The following ITGA9 variants were observed in gnomAD, a reference collection of about 807,000 sequenced individuals.
ITGA9 encodes the protein integrin alpha-9.
In ITGA9, 56 loss-of-function variants were observed where a neutral mutation model predicts 127.8. The ratio of observed to expected loss-of-function variants is 0.44; its 90% confidence interval spans 0.35 to 0.55. The LOEUF (loss-of-function observed/expected upper bound fraction) is 0.55. Among genes scored for constraint, ITGA9 ranks in the 20% least tolerant of loss-of-function variants. The pLI, the probability that ITGA9 is intolerant of heterozygous loss-of-function variation, is 0.00. For synonymous variants in ITGA9, 508 were observed against 514.5 expected (o/e 0.99, Z 0.17); for missense variants, 1,196 against 1,347.1 (o/e 0.89, Z 1.76).
intron 21 of ITGA9, 120 bp from the exon 22 acceptor site, chr3:37,743,806 G>C (rs2186453): frequency 2.6e-6 from 2 of 761,072 alleles, no homozygotes; most frequent in Non-Finnish European, 4.8e-6. Context: ...CCCCAGCAGG[G>C]AAGCACTGGG....
At chr3:37,700,907 C>G (rs1019587994) in intron 18 of ITGA9, among the ~76,000 whole-genome samples, 1 of 152,190 alleles carries the variant, frequency 6.6e-6, no homozygotes, top group Non-Finnish European at 1.5e-5. Context: ...TTCCTTATCT[C>G]CCGGAAAAGG....
At chr3:37,795,081 T>A (rs1437946423) in intron 26 of ITGA9, among the ~76,000 whole-genome samples, 1 of 152,180 alleles carries the variant, frequency 6.6e-6, no homozygotes, top group African/African-American at 2.4e-5. Flanking sequence ...CTGTCACAGA[T>A]GTTATTCTCT....
At chr3:37,776,224 T>G (rs993502286) in intron 23 of ITGA9, among the ~76,000 whole-genome samples, 13 of 152,106 alleles carry the variant, frequency 8.5e-5, no homozygotes, top group African/African-American at 2.9e-4. Context: ...AAAAAATAAC[T>G]ATTGGGTACT....
chr3:37,529,764 G>A (rs1699129842), intron 13 of ITGA9, among the ~76,000 whole-genome samples: 1 of 152,204 alleles, frequency 6.6e-6, no homozygotes, highest in Non-Finnish European at 1.5e-5. Context: ...AGAGACAAGA[G>A]GGAGGATGGG....
In ITGA9 at chr3:37,515,684, C is replaced by T. The variant is rs535257807; in HGVS notation, c.1035+1784C>T. ...CCAGGAGGTGGAGGCTGCAGTGAGCCGTGATCATGCCACTGTACTCCAGCC... is the reference window on the plus strand; with the variant it reads ...CCAGGAGGTGGAGGCTGCAGTGAGCTGTGATCATGCCACTGTACTCCAGCC... On this transcript the variant is annotated intron_variant, in intron 9 of 27. Transcript: ENST00000264741. 4.6e-5 allele frequency among the ~76,000 whole-genome samples: 7 copies of T among 152,114 alleles called. No individual in the cohort carries two copies. In the South Asian group the frequency reaches 8.3e-4, roughly 18 times the overall value.
chr3:37,641,910 C>T (rs748400654), intron 16 of ITGA9, among the ~76,000 whole-genome samples: 1 of 152,166 alleles, frequency 6.6e-6, no homozygotes, highest in Non-Finnish European at 1.5e-5. Context: ...AAGAACCATT[C>T]TCCCACTACC....
intron 23 of ITGA9, among the ~76,000 whole-genome samples, chr3:37,772,501 C>A (rs1696856785): frequency 6.6e-6 from 1 of 152,084 alleles, no homozygotes; most frequent in South Asian, 2.1e-4. Flanking sequence ...CACCGAGAGC[C>A]TGGCGTGCAG....
At chr3:37,741,852 A>T (rs747438459) in intron 21 of ITGA9, 33 bp downstream of exon 21, 1 of 1,519,730 alleles carries the variant, frequency 6.6e-7, no homozygotes, top group South Asian at 1.1e-5. Context: ...GCCACAACAC[A>T]GGAGTGCCCT....
chr3:37,804,938 T>C (rs1391664794), intron 27 of ITGA9, among the ~76,000 whole-genome samples: 1 of 152,248 alleles, frequency 6.6e-6, no homozygotes, highest in Non-Finnish European at 1.5e-5. Flanking sequence ...TTTCTCTGCA[T>C]ATATAGATAT....
chr3:37,749,595 C>CT (rs779561250), intron 22 of ITGA9: 4 of 152,266 alleles, frequency 2.6e-5, no homozygotes, highest in Non-Finnish European at 5.9e-5. Flanking sequence ...GCTTTTTCCT[C>CT]TCCCTCCTTG....
At chr3:37,504,943 G>C (rs1698825635) in intron 6 of ITGA9, among the ~76,000 whole-genome samples, 1 of 152,208 alleles carries the variant, frequency 6.6e-6, no homozygotes, top group East Asian at 1.9e-4. Context: ...GGCCAGAGGA[G>C]AGCTTTCAGC....
At chr3:37,643,437 A>G (rs914923224) in intron 16 of ITGA9, among the ~76,000 whole-genome samples, 5 of 152,158 alleles carry the variant, frequency 3.3e-5, no homozygotes, top group Admixed American at 6.5e-5. Flanking sequence ...GGACTCATCA[A>G]AGGTTAGACC....
intron 4 of ITGA9, among the ~76,000 whole-genome samples, chr3:37,489,691 CTTTTT>C (rs10579497): frequency 3.3e-4 from 43 of 132,264 alleles, no homozygotes; most frequent in Non-Finnish European, 5.1e-4. Flanking sequence ...TATAATTGCC[CTTTTT>C]TTTTTTTTTT....
Position 37,571,309 on chromosome 3 carries a change from CTGCCCATGGTTTATGT to C in ITGA9, c.1689+28726_1689+28741del, listed in dbSNP as rs373210067. Reference sequence around the variant, plus strand: ...GGAGTCTCACAAAACTACACCCATGCTGCCCATGGTTTATGTTTAATGAATGAAATGATGATTAAGA... The same window carrying C: ...GGAGTCTCACAAAACTACACCCATGCTTAATGAATGAAATGATGATTAAGA... On this transcript the variant is annotated intron_variant, in intron 15 of 27. Transcript: ENST00000264741. Among the ~76,000 whole-genome samples, 599 of 152,316 alleles carry C rather than the reference CTGCCCATGGTTTATGT, an allele frequency of 3.9e-3. 2 individuals carry two copies. Among genetic ancestry groups the C allele is most frequent in the Middle Eastern group, 0.017 (5 of 294 alleles).
chr3:37,797,020 G>A (rs1697181714), intron 26 of ITGA9, among the ~76,000 whole-genome samples: 1 of 152,126 alleles, frequency 6.6e-6, no homozygotes, highest in South Asian at 2.1e-4. Context: ...CTGAGGTCAG[G>A]TTAGGGAGGA....
At chr3:37,598,544 CA>C (rs936353505) in intron 15 of ITGA9, among the ~76,000 whole-genome samples, 17 of 152,210 alleles carry the variant, frequency 1.1e-4, no homozygotes, top group African/African-American at 3.9e-4. Flanking sequence ...GTGGGAGAGT[CA>C]GGGGGGTCAG....
chr3:37,751,319 A>C (rs1445250345), intron 23 of ITGA9, among the ~76,000 whole-genome samples: 1 of 152,110 alleles, frequency 6.6e-6, no homozygotes, highest in Non-Finnish European at 1.5e-5. Context: ...AGTGTTCCGC[A>C]CCTATGATGT....
intron 7 of ITGA9, among the ~76,000 whole-genome samples, chr3:37,507,903 G>A (rs760305838): frequency 2.6e-4 from 39 of 152,354 alleles, no homozygotes; most frequent in Middle Eastern, 3.4e-3. Flanking sequence ...AACTTCCATA[G>A]TCAAGTACAT....
intron 15 of ITGA9, among the ~76,000 whole-genome samples, chr3:37,613,340 C>T (rs565116496): frequency 1.3e-5 from 2 of 152,288 alleles, no homozygotes; most frequent in African/African-American, 2.4e-5. Context: ...ATATGTGTCA[C>T]ATTTTCTTAA....
Sources: gnomAD v4.1 joint callset for allele counts (sites outside exome capture counted in the v4.1 genomes callset) on GRCh38, gnomAD v4.1.1 for gene constraint, MANE v1.5 for transcripts, NCBI Gene and HGNC (gene_info 2026-07-23, HGNC 2026-07-21) for gene names.